Variants in SPAG17 observed in about 807,000 individuals in gnomAD.
SPAG17 encodes sperm associated antigen 17.
Under a neutral mutation model 273.6 loss-of-function variants are expected in SPAG17, and 169 were observed. That is an observed-to-expected ratio of 0.62 (90% CI 0.55 to 0.70). The LOEUF is 0.70. Ranked by LOEUF, SPAG17 falls within the 30% of genes least tolerant of loss-of-function variation. SPAG17 has a pLI of 0.00. For missense variants in SPAG17, 2,557 were observed against 2,627.8 expected, an observed-to-expected ratio of 0.97 and a Z score of 0.59; for synonymous variants, 825 against 873.2, an observed-to-expected ratio of 0.94 and a Z score of 0.97.
intron 26 of SPAG17, 111 bp downstream of exon 26, chr1:118,028,163 T>C: frequency 7.9e-7 from 1 of 1,270,306 alleles, no homozygotes; most frequent in Non-Finnish European, 1.1e-6. Context: ...AACAGTCTAT[T>C]GTTCATTATC....
intron 6 of SPAG17, among the ~76,000 whole-genome samples, chr1:118,099,322 C>T (rs975166227): frequency 2.0e-5 from 3 of 152,102 alleles, no homozygotes; most frequent in African/African-American, 4.8e-5. Flanking sequence ...TCAAATACTC[C>T]AGAAAAGGCA....
chr1:117,998,879 C>A (rs183627508), intron 32 of SPAG17, among the ~76,000 whole-genome samples: 1 of 151,886 alleles, frequency 6.6e-6, no homozygotes, highest in African/African-American at 2.4e-5. Context: ...GGCACATGTG[C>A]GTGCAGGCTT....
At chr1:117,956,401 A>G (rs1341784914) in intron 48 of SPAG17, among the ~76,000 whole-genome samples, 1 of 152,228 alleles carries the variant, frequency 6.6e-6, no homozygotes, top group Non-Finnish European at 1.5e-5. Context: ...CACAATATCT[A>G]CATATATATT....
At chr1:117,987,756 A>G in intron 40 of SPAG17, 78 bp downstream of exon 40, 2 of 1,433,290 alleles carry the variant, frequency 1.4e-6, no homozygotes, top group Admixed American at 3.6e-5. Flanking sequence ...GCCTGGCAGG[A>G]CATTTTGGCC....
At chr1:118,173,806 G>C (rs1198696578) in intron 1 of SPAG17, among the ~76,000 whole-genome samples, 4 of 148,838 alleles carry the variant, frequency 2.7e-5, no homozygotes, top group African/African-American at 1.0e-4. Flanking sequence ...GCTGCAGTGA[G>C]CCAACACTGT....
At chr1:118,183,027 A>G (rs1482096209) in intron 1 of SPAG17, among the ~76,000 whole-genome samples, 3 of 152,216 alleles carry the variant, frequency 2.0e-5, no homozygotes, top group Admixed American at 1.3e-4. Context: ...CAAAATGTGA[A>G]CTTGTTTATT....
intron 4 of SPAG17, among the ~76,000 whole-genome samples, chr1:118,109,024 C>G (rs72697598): frequency 0.017 from 2,517 of 152,194 alleles, 42 homozygotes; most frequent in Non-Finnish European, 0.025. Context: ...TTCTAAATGA[C>G]TTCTTGATGT....
chr1:118,034,976 T>G (rs1284894351), intron 24 of SPAG17, among the ~76,000 whole-genome samples: 1 of 152,242 alleles, frequency 6.6e-6, no homozygotes, highest in Non-Finnish European at 1.5e-5. Context: ...ATAGCTGTAC[T>G]GTCTACTTTT....
intron 7 of SPAG17, among the ~76,000 whole-genome samples, chr1:118,094,822 A>G (rs555267864): frequency 2.1e-3 from 325 of 152,312 alleles, no homozygotes; most frequent in African/African-American, 7.5e-3. Flanking sequence ...ATCTTACAGA[A>G]GCATGCATGG....
intron 3 of SPAG17, among the ~76,000 whole-genome samples, chr1:118,139,751 T>C (rs967080019): frequency 1.4e-5 from 2 of 144,810 alleles, no homozygotes; most frequent in Non-Finnish European, 3.0e-5. Flanking sequence ...AAAATCAAAC[T>C]CATAGAAGCA....
chr1:118,094,048 G>A (rs1362411696), intron 7 of SPAG17, among the ~76,000 whole-genome samples: 2 of 152,130 alleles, frequency 1.3e-5, no homozygotes, highest in African/African-American at 2.4e-5. Flanking sequence ...CTCATCCTAT[G>A]TCTGAGTTCA....
At chr1:118,120,551 T>G (rs537452212) in intron 3 of SPAG17, among the ~76,000 whole-genome samples, 1 of 152,324 alleles carries the variant, frequency 6.6e-6, no homozygotes, top group South Asian at 2.1e-4. Flanking sequence ...CTTACATACA[T>G]GTATTGAATA....
chr1:118,072,899 AC>A (rs1193869963), intron 17 of SPAG17, among the ~76,000 whole-genome samples: 2 of 152,106 alleles, frequency 1.3e-5, no homozygotes, highest in African/African-American at 4.8e-5. Context: ...ATGTCACAAA[AC>A]TAAAACTAAA....
chr1:117,975,148 T>C (rs1259927184), intron 43 of SPAG17, among the ~76,000 whole-genome samples: 1 of 152,074 alleles, frequency 6.6e-6, no homozygotes, highest in Admixed American at 6.6e-5. Flanking sequence ...CACATGGAAA[T>C]AGCCTGTCCT....
At chr1:118,042,694 G>A (rs1056613484) in intron 20 of SPAG17, among the ~76,000 whole-genome samples, 1 of 152,046 alleles carries the variant, frequency 6.6e-6, no homozygotes, top group African/African-American at 2.4e-5. Context: ...TAGGGTGTAG[G>A]CCAAGTGAAC....
chr1:118,048,819 C>T (rs1650664989), intron 20 of SPAG17, among the ~76,000 whole-genome samples: 1 of 152,004 alleles, frequency 6.6e-6, no homozygotes, highest in Non-Finnish European at 1.5e-5. Flanking sequence ...TTGCTTAAAC[C>T]CAGGAGGCAG....
In SPAG17 at chr1:118,016,107, G is replaced by A. The variant is rs767065829; in HGVS notation, c.4145C>T (p.Thr1382Ile). ...TATGTGAACCTCCACAGGAGTTACA[G>A]TTTGAACTGCCTCTGGAGGAGGGTC... Reference protein sequence around the residue: ...IHDPPPEAVQTVTPVEVHIGT... With the variant: ...IHDPPPEAVQIVTPVEVHIGT... Residue 1382 changes from threonine to isoleucine, a missense_variant, in exon 29 of 49, where the codon ACT (threonine) becomes ATT (isoleucine). By Grantham distance (89) the Thr-to-Ile change is moderately conservative. Coordinates refer to ENST00000336338, the MANE Select transcript of SPAG17 (RefSeq NM_206996.4). 3.1e-6 allele frequency: 5 copies of A among 1,614,096 alleles called. No homozygotes were observed. Among genetic ancestry groups the A allele is most frequent in the Non-Finnish European group, 4.2e-6 (5 of 1,179,968 alleles).
chr1:118,183,059 T>C (rs532820234), intron 1 of SPAG17, among the ~76,000 whole-genome samples: 3 of 152,218 alleles, frequency 2.0e-5, no homozygotes, highest in Non-Finnish European at 4.4e-5. Context: ...CTACCCAACA[T>C]GAACATGAGT....
At position 117,994,381 on chromosome 1, in the gene SPAG17, T is replaced by C. The variant is rs570780753; in HGVS notation, c.5178+25A>G. On this transcript the variant is annotated intron_variant, in intron 35 of 48. Coordinates refer to ENST00000336338, the MANE Select transcript of SPAG17 (RefSeq NM_206996.4). The stretch of plus-strand genomic sequence containing the variant: ...TGGATGGATGTATACGCTAATAAAA[T>C]GACTTTTTAGAAGAAATTATATACC... 3.1e-5 allele frequency: 50 copies of C among 1,606,328 alleles called. 1 individual carries two copies. In the South Asian group the frequency reaches 5.5e-4, roughly 18 times the overall value.
Sources: gnomAD v4.1 joint callset for allele counts (sites outside exome capture counted in the v4.1 genomes callset) on GRCh38, gnomAD v4.1.1 for gene constraint, MANE v1.5 for transcripts, NCBI Gene and HGNC (gene_info 2026-07-23, HGNC 2026-07-21) for gene names.